The following TIGD7 variants were observed in gnomAD, a reference collection of about 807,000 sequenced individuals.
TIGD7 encodes the protein tigger transposable element-derived protein 7.
Under a neutral mutation model 24.8 loss-of-function variants are expected in TIGD7, and 26 were observed. That is an observed-to-expected ratio of 1.05 (90% CI 0.77 to 1.45). The LOEUF (loss-of-function observed/expected upper bound fraction) is 1.45, where lower values mean the gene tolerates loss of function less well. Among genes scored for constraint, TIGD7 ranks in the 40% most tolerant of loss-of-function variants. The pLI is 0.00. For missense variants in TIGD7, 679 were observed against 641.6 expected (o/e 1.06, Z -0.63); for synonymous variants, 221 against 224.1 (o/e 0.99, Z 0.12).
At chr16:3,304,082 C>T (rs369844835) in intron 1 of TIGD7, among the ~76,000 whole-genome samples, 13 of 152,170 alleles carry the variant, frequency 8.5e-5, no homozygotes, top group Admixed American at 4.6e-4. Flanking sequence ...ATGATCCGCC[C>T]GCCTCGGCCT....
intron 1 of TIGD7, among the ~76,000 whole-genome samples, chr16:3,304,206 T>TTA (rs1285523130): frequency 6.6e-6 from 1 of 152,198 alleles, no homozygotes; most frequent in Non-Finnish European, 1.5e-5. Context: ...CCACATAAAC[T>TTA]CGTTTTCTAA....
rs1397165541 is a variant in TIGD7 at position 3,301,770 on chromosome 16, G to A, written c.-1156C>T. 1 of 167,138 alleles carries A rather than the reference G, an allele frequency of 6.0e-6. No homozygotes were observed. The highest frequency in any genetic ancestry group is 1.5e-5 in the Non-Finnish European group (1 of 68,096). The allele number at this position is 167,138 out of a possible 1,614,324, so 10.4% of individuals were successfully genotyped here. On this transcript the variant is annotated 5_prime_UTR_variant, in exon 2 of 2. Coordinates refer to ENST00000396862, the MANE Select transcript of TIGD7 (RefSeq NM_033208.4). ...TGAACCAAGACTCAACTTTTCCACA[G>A]AAGAAATCTAAAAGGTTTCTCTGCT...
chr16:3,301,799 G>A lies in TIGD7; in HGVS notation c.-1185C>T, dbSNP rs1336649635. ...AAATCTAAAAGGTTTCTCTGCTGCT[G>A]TTTCTGATCAATTGTTTCTCATAAA... On this transcript the variant is annotated 5_prime_UTR_variant, in exon 2 of 2. Coordinates refer to ENST00000396862, the MANE Select transcript of TIGD7 (RefSeq NM_033208.4). 2 of 167,026 alleles carry A rather than the reference G, an allele frequency of 1.2e-5. No individual in the cohort carries two copies. The highest frequency in any genetic ancestry group is 2.9e-5 in the Non-Finnish European group (2 of 68,112). The allele number at this position is 167,026 out of a possible 1,614,324, so 10.3% of individuals were successfully genotyped here.
rs750024592 is a variant in TIGD7 at position 3,299,177 on chromosome 16, C to T, written c.1438G>A (p.Val480Ile). Residue 480 changes from valine to isoleucine, a missense_variant, in exon 2 of 2, where the codon GTA (valine) becomes ATA (isoleucine). Coordinates refer to ENST00000396862, the MANE Select transcript of TIGD7 (RefSeq NM_033208.4). ...AGAAGGTAGTCCAAACTCTCTCTTA[C>T]AGCAGATAATTTAAATTCAGCAGTC... The part of the protein sequence containing the change: ...KQTAEFKLSA[V>I]RESLDYLLDF... 6.3e-7 allele frequency: 1 copy of T among 1,587,760 alleles called. No individual in the cohort carries two copies. The highest frequency in any genetic ancestry group is 8.5e-7 in the Non-Finnish European group (1 of 1,169,694).
Position 3,299,903 on chromosome 16 carries a change from CA to C in TIGD7, c.711del (p.Ser237ArgfsTer2). 6.2e-6 allele frequency: 10 copies of C among 1,609,352 alleles called. No individual in the cohort carries two copies. The highest frequency in any genetic ancestry group is 8.5e-6 in the Non-Finnish European group (10 of 1,177,680). The part of the protein sequence containing the change: ...IIIGKSKLPK[S>X]VKEDTSTLPV... ...GGCAATGTACTTGTGTCCTCTTTCA[CA>C]CTTTTGGGCAGTTTTGATTTTCCAA... On this transcript the variant is annotated frameshift_variant, in exon 2 of 2. Transcript: ENST00000396862. LOFTEE classifies it high-confidence loss of function.
intron 1 of TIGD7, chr16:3,304,931 A>G (rs1258401230): frequency 6.6e-6 from 1 of 152,224 alleles, no homozygotes; most frequent in Admixed American, 6.5e-5. Context: ...GTCACTTCTT[A>G]GGTCTCCGTT....
rs1192004118 is a variant in TIGD7, at chr16:3,299,392, G to T, written c.1223C>A (p.Pro408His). The T allele has an allele frequency of 2.6e-6, 4 of 1,550,368 alleles. No individual in the cohort carries two copies. The highest frequency in any genetic ancestry group is 2.8e-5 in the African/African-American group (2 of 71,690). The change falls in exon 2 of 2, where the codon CCT becomes CAT. Residue 408 changes from proline to histidine, a missense_variant. Pro to His is a moderately conservative substitution (Grantham distance 77, BLOSUM62 -2). Transcript: ENST00000396862. ...AWENLLYKKE[P>H]EYDFQGLEHG... Reference sequence around the variant, plus strand: ...TTCTAAGCCTTGAAAATCATATTCAGGTTCCTTTTTGTAAAGAAGATTTTC... The same window carrying T: ...TTCTAAGCCTTGAAAATCATATTCATGTTCCTTTTTGTAAAGAAGATTTTC...
Position 3,300,621 on chromosome 16 carries a change from T to A in TIGD7, c.-7A>T. On this transcript the variant is annotated 5_prime_UTR_variant, in exon 2 of 2. Coordinates refer to ENST00000396862, the MANE Select transcript of TIGD7 (RefSeq NM_033208.4). Reference sequence around the variant, plus strand: ...ATTTCCCTCTCTTATTCATACTGAATTTAACTCTGAACCACCAACAGGAGA... The same window carrying A: ...ATTTCCCTCTCTTATTCATACTGAAATTAACTCTGAACCACCAACAGGAGA... The A allele has an allele frequency of 6.5e-7, 1 of 1,543,158 alleles. No homozygotes were observed. Among genetic ancestry groups the A allele is most frequent in the Non-Finnish European group, 8.7e-7 (1 of 1,148,396 alleles).
In TIGD7 at chr16:3,299,405, AAAG is replaced by A. The variant is rs577513743; in HGVS notation, c.1207_1209del (p.Leu403del). 399 of 1,553,938 alleles carry A rather than the reference AAAG, an allele frequency of 2.6e-4. No homozygotes were observed. The highest frequency in any genetic ancestry group is 3.2e-4 in the Non-Finnish European group (365 of 1,151,742). On this transcript the variant is annotated inframe_deletion, in exon 2 of 2. Transcript: ENST00000396862. ...AAATCATATTCAGGTTCCTTTTTGT[AAAG>A]AAGATTTTCCCATGCATTTGCTATG...
In TIGD7 at chr16:3,300,097, T is replaced by G. The variant is rs1959892477; in HGVS notation, c.518A>C (p.Gln173Pro). ...GTCTGTTTCATCCCCACTGTATAGC[T>G]GAGCTAGACACAGTTTCTCCTCTTT... ...IIKEEKLCLA[Q>P]LYSGDETDLF... Residue 173 changes from glutamine to proline, a missense_variant, in exon 2 of 2, where the codon CAG (glutamine) becomes CCG (proline). Transcript: ENST00000396862. 1.2e-6 allele frequency: 2 copies of G among 1,614,108 alleles called. No homozygotes were observed. Among genetic ancestry groups the G allele is most frequent in the Non-Finnish European group, 1.7e-6 (2 of 1,180,046 alleles).
Position 3,299,596 on chromosome 16 carries a change from C to T in TIGD7, c.1019G>A (p.Arg340Gln), listed in dbSNP as rs1298587462. ...TTCAAGTTGCTTCCATCTATACAGC[C>T]GTTTGCAGCTCAAGATCACACCTTG... ...MNQGVILSCKRLYRWKQLEES... is the reference protein window; with the variant it reads ...MNQGVILSCKQLYRWKQLEES... The change falls in exon 2 of 2, where the codon CGG becomes CAG. Residue 340 changes from arginine (R) to glutamine (Q), a missense_variant. Physicochemically the swap from Arg to Gln is conservative, Grantham distance 43. Transcript: ENST00000396862. 3.9e-6 allele frequency: 6 copies of T among 1,556,410 alleles called. No homozygotes were observed. The highest frequency in any genetic ancestry group is 2.8e-5 in the African/African-American group (2 of 72,134).
In TIGD7 at chr16:3,300,802, T is replaced by G. The variant is rs1410496240; in HGVS notation, c.-188A>C. 1 of 974,674 alleles carries G rather than the reference T, an allele frequency of 1.0e-6. No homozygotes were observed. Among genetic ancestry groups the G allele is most frequent in the Non-Finnish European group, 1.4e-6 (1 of 702,942 alleles). 60.4% of individuals were successfully genotyped at this position (974,674 alleles called of 1,614,324 possible). A position where few individuals can be genotyped will look rare whatever the true frequency, so the allele number is the denominator to read the frequency against. ...TGAAGAGCTAGTCTAGAGGTGGAGG[T>G]CTTATGCACTCAGAAAGCTGCCAGT... On this transcript the variant is annotated 5_prime_UTR_variant, in exon 2 of 2. Coordinates refer to ENST00000396862, the MANE Select transcript of TIGD7 (RefSeq NM_033208.4).
Position 3,304,594 on chromosome 16 carries a change from T to C in TIGD7, c.-1396+618A>G, listed in dbSNP as rs115811236. ...TCCCTTGACTGGTATAAGCTGACGT[T>C]ACAAAAACTGGTAATTCCGAAACCA... On this transcript the variant is annotated intron_variant, in intron 1 of 1. Coordinates refer to ENST00000396862, the MANE Select transcript of TIGD7 (RefSeq NM_033208.4). Among the ~76,000 whole-genome samples the C allele has an allele frequency of 2.4e-3, 370 of 152,324 alleles. 3 individuals are homozygous for C. Among genetic ancestry groups the C allele is most frequent in the African/African-American group, 8.6e-3 (359 of 41,560 alleles).
Position 3,299,922 on chromosome 16 carries a change from T to C in TIGD7, c.693A>G (p.Lys231=). 1.2e-6 allele frequency: 2 copies of C among 1,612,356 alleles called. No homozygotes were observed. Among genetic ancestry groups the C allele is most frequent in the Non-Finnish European group, 1.7e-6 (2 of 1,179,270 alleles). ...THKLKSIIIG[K]SKLPKSVKED... is the part of the protein sequence containing the mutation. Reference sequence around the variant, plus strand: ...CTTTCACACTTTTGGGCAGTTTTGATTTTCCAATAATGATTGACTTTAATT... The same window carrying C: ...CTTTCACACTTTTGGGCAGTTTTGACTTTCCAATAATGATTGACTTTAATT... Residue 231 remains lysine, a synonymous_variant, in exon 2 of 2, where the codon AAA becomes AAG. Coordinates refer to ENST00000396862, the MANE Select transcript of TIGD7 (RefSeq NM_033208.4).
At chr16:3,302,628 CAGTT>C (rs1456169557) in intron 1 of TIGD7, among the ~76,000 whole-genome samples, 1 of 152,092 alleles carries the variant, frequency 6.6e-6, no homozygotes, top group Non-Finnish European at 1.5e-5. Context: ...ATAATTAAGG[CAGTT>C]AGTAAGTGAT....
chr16:3,299,672 T>G lies in TIGD7; in HGVS notation c.943A>C (p.Lys315Gln). 6.5e-7 allele frequency: 1 copy of G among 1,547,148 alleles called. No individual in the cohort carries two copies. Among genetic ancestry groups the G allele is most frequent in the Non-Finnish European group, 8.7e-7 (1 of 1,153,824 alleles). ...ESLTSEDGRI[K>Q]CMFFPHNTST... The stretch of plus-strand genomic sequence containing the variant: ...GTGTTATGGGGGAAGAACATACATT[T>G]TATTCGACCATCCTCACTGGTTAGG... Residue 315 changes from lysine to glutamine, a missense_variant, in exon 2 of 2, where the codon AAA becomes CAA. Physicochemically the swap from Lys to Gln is moderately conservative, Grantham distance 53 (BLOSUM62 1). Transcript: ENST00000396862.
At position 3,301,982 on chromosome 16, in the gene TIGD7, A is replaced by C. The variant is rs1469136253; in HGVS notation, c.-1368T>G. ...TACACAACCTCATGGGAAGAAACAA[A>C]AACTGCCACTTTTATCCATTCCAGG... On this transcript the variant is annotated 5_prime_UTR_variant, in exon 2 of 2. Transcript: ENST00000396862. 1 of 167,034 alleles carries C rather than the reference A, an allele frequency of 6.0e-6. No homozygotes were observed. Among genetic ancestry groups the C allele is most frequent in the Non-Finnish European group, 1.5e-5 (1 of 68,132 alleles). The allele number at this position is 167,034 out of a possible 1,614,324, so 10.3% of individuals were successfully genotyped here.
Position 3,299,539 on chromosome 16 carries a change from T to C in TIGD7, c.1076A>G (p.Asp359Gly). ...ESLVIFEESD[D>G]EQEKGDKGVS... ...TCCTTTATCTCCTTTCTCTTGCTCA[T>C]CATCACTTTCTTCAAATATTACAAG... Residue 359 changes from aspartate to glycine, a missense_variant, in exon 2 of 2, where the codon GAT becomes GGT. Physicochemically the swap from Asp to Gly is moderately conservative, Grantham distance 94. Transcript: ENST00000396862. 1 of 1,527,718 alleles carries C rather than the reference T, an allele frequency of 6.5e-7. No homozygotes were observed. The highest frequency in any genetic ancestry group is 8.8e-7 in the Non-Finnish European group (1 of 1,141,822). 94.6% of individuals were successfully genotyped at this position (1,527,718 alleles called of 1,614,324 possible). A position where few individuals can be genotyped will look rare whatever the true frequency, so the allele number is the denominator to read the frequency against.
At position 3,300,702 on chromosome 16, in the gene TIGD7, C is replaced by T. The variant is rs1486385351; in HGVS notation, c.-88G>A. ...AAAAAAAAAACCCACATTTTTTAAA[C>T]AAAACTTAGCTGAAAGCCCCAGAAG... On this transcript the variant is annotated 5_prime_UTR_variant, in exon 2 of 2. Coordinates refer to ENST00000396862, the MANE Select transcript of TIGD7 (RefSeq NM_033208.4). The T allele has an allele frequency of 3.3e-6, 5 of 1,493,124 alleles. No homozygotes were observed. Among genetic ancestry groups the T allele is most frequent in the Non-Finnish European group, 4.4e-6 (5 of 1,125,504 alleles). 92.5% of individuals were successfully genotyped at this position (1,493,124 alleles called of 1,614,324 possible). A position where few individuals can be genotyped will look rare whatever the true frequency, so the allele number is the denominator to read the frequency against.
Sources: allele counts gnomAD v4.1 joint callset (sites outside exome capture counted in the v4.1 genomes callset), GRCh38; gene constraint gnomAD v4.1.1; transcripts MANE v1.5; gene names NCBI Gene and HGNC (gene_info 2026-07-23, HGNC 2026-07-21).